The following ENTREP2 variants were observed in gnomAD, a reference collection of about 807,000 sequenced individuals.
ENTREP2 encodes endosomal transmembrane epsin interactor 2, also known as protein ENTREP2.
chr15:29,457,565 G>A, the ENTREP2 span, among the ~76,000 whole-genome samples: 1 of 152,284 alleles, frequency 6.6e-6, no homozygotes, highest in Non-Finnish European at 1.5e-5. Context: ...AGTCACAGAA[G>A]CCCTGAGGCT....
At chr15:29,309,780 C>T in the ENTREP2 span, among the ~76,000 whole-genome samples, 2 of 132,522 alleles carry the variant, frequency 1.5e-5, no homozygotes, top group Non-Finnish European at 3.2e-5. Context: ...CAGAGTAAGA[C>T]TCTGTCTCAA....
At chr15:29,365,230 C>A in the ENTREP2 span, among the ~76,000 whole-genome samples, 1 of 151,128 alleles carries the variant, frequency 6.6e-6, no homozygotes, top group African/African-American at 2.4e-5. Flanking sequence ...CATGTCTTTT[C>A]ATGGCTAAAT....
chr15:29,531,009 C>T, the ENTREP2 span, among the ~76,000 whole-genome samples: 6 of 152,168 alleles, frequency 3.9e-5, no homozygotes, highest in Admixed American at 6.5e-5. Context: ...GGACCAATGA[C>T]GGAGAGAAGA....
At chr15:29,288,136 T>C in the ENTREP2 span, among the ~76,000 whole-genome samples, 1 of 152,226 alleles carries the variant, frequency 6.6e-6, no homozygotes, top group Non-Finnish European at 1.5e-5. Context: ...TATTTGATGA[T>C]AACAGGAGAA....
At chr15:29,562,274 G>A in the ENTREP2 span, among the ~76,000 whole-genome samples, 8 of 152,332 alleles carry the variant, frequency 5.3e-5, no homozygotes, top group Admixed American at 5.2e-4. Flanking sequence ...AATTGGAATG[G>A]GGTCTACAGA....
chr15:29,338,169 G>A, the ENTREP2 span, among the ~76,000 whole-genome samples: 1 of 152,032 alleles, frequency 6.6e-6, no homozygotes, highest in South Asian at 2.1e-4. Context: ...GTGTGGGCAA[G>A]GTGCCATCAA....
At chr15:29,599,189 A>G in the ENTREP2 span, among the ~76,000 whole-genome samples, 1 of 152,250 alleles carries the variant, frequency 6.6e-6, no homozygotes, top group Non-Finnish European at 1.5e-5. Flanking sequence ...ATCACAGGAC[A>G]TGTCAGGGAA....
At chr15:29,216,182 A>T in the ENTREP2 span, among the ~76,000 whole-genome samples, 1 of 152,084 alleles carries the variant, frequency 6.6e-6, no homozygotes, top group Non-Finnish European at 1.5e-5. Flanking sequence ...TTCTCTCAGC[A>T]TTTGTTTGTC....
chr15:29,284,572 AAC>A, the ENTREP2 span, among the ~76,000 whole-genome samples: 4 of 150,520 alleles, frequency 2.7e-5, no homozygotes, highest in African/African-American at 7.3e-5. Context: ...AAAAAAAAAA[AAC>A]CAAAAATAAA....
chr15:29,217,400 T>C, the ENTREP2 span, among the ~76,000 whole-genome samples: 4 of 152,136 alleles, frequency 2.6e-5, no homozygotes, highest in Admixed American at 2.6e-4. Flanking sequence ...AAAAACGAGG[T>C]TGGGCATTAC....
At chr15:29,416,006 C>G in the ENTREP2 span, among the ~76,000 whole-genome samples, 4 of 152,130 alleles carry the variant, frequency 2.6e-5, no homozygotes, top group Admixed American at 1.3e-4. Flanking sequence ...AGGATACAAA[C>G]AAATGGAAGA....
At chr15:29,459,520 T>G in the ENTREP2 span, among the ~76,000 whole-genome samples, 9 of 152,234 alleles carry the variant, frequency 5.9e-5, no homozygotes, top group Non-Finnish European at 1.2e-4. Context: ...TACAGTAGTT[T>G]AATCAAACTA....
At chr15:29,567,765 T>A in the ENTREP2 span, among the ~76,000 whole-genome samples, 1 of 152,182 alleles carries the variant, frequency 6.6e-6, no homozygotes, top group African/African-American at 2.4e-5. Context: ...CTGTCTGTCT[T>A]AGCTAATAAT....
the ENTREP2 span, among the ~76,000 whole-genome samples, chr15:29,656,878 C>CA: frequency 6.6e-6 from 1 of 152,198 alleles, no homozygotes; most frequent in African/African-American, 2.4e-5. Context: ...AACTCATCTT[C>CA]ACACAAAAAC....
At chr15:29,123,183 C>G in the ENTREP2 span, 2 of 768,374 alleles carry the variant, frequency 2.6e-6, no homozygotes, top group East Asian at 2.7e-5. Context: ...GGTAACAGTT[C>G]CCTGCCCACA....
At chr15:29,291,028 G>A in the ENTREP2 span, among the ~76,000 whole-genome samples, 2 of 152,180 alleles carry the variant, frequency 1.3e-5, no homozygotes, top group Admixed American at 1.3e-4. Context: ...ATGGACATGT[G>A]AGTAGAAGGG....
chr15:29,473,412 G>T, the ENTREP2 span, among the ~76,000 whole-genome samples: 4,077 of 152,148 alleles, frequency 0.027, 186 homozygotes, highest in African/African-American at 0.091. Context: ...CCCCCATGTA[G>T]AGGATTCCCT....
chr15:29,369,489 G>GA, the ENTREP2 span, among the ~76,000 whole-genome samples: 1 of 151,592 alleles, frequency 6.6e-6, no homozygotes, highest in Non-Finnish European at 1.5e-5. Flanking sequence ...CGAAAATGAA[G>GA]AAAAAATCAA....
At chr15:29,229,758 T>C in the ENTREP2 span, among the ~76,000 whole-genome samples, 1 of 152,204 alleles carries the variant, frequency 6.6e-6, no homozygotes, top group Non-Finnish European at 1.5e-5. Context: ...TTTTCTCTAC[T>C]TGCTCCTGTA....
Sources: allele counts gnomAD v4.1 joint callset (sites outside exome capture counted in the v4.1 genomes callset), GRCh38; gene constraint gnomAD v4.1.1; transcripts MANE v1.5; gene names NCBI Gene and HGNC (gene_info 2026-07-23, HGNC 2026-07-21).